The following TXLNB variants were observed in gnomAD, a reference collection of about 807,000 sequenced individuals.
TXLNB encodes the protein taxilin beta.
In TXLNB, 37 loss-of-function variants were observed where a neutral mutation model predicts 57.4. The observed-to-expected ratio is 0.64, with a 90% CI of 0.50 to 0.85. TXLNB has a LOEUF of 0.85. Among genes scored for constraint, TXLNB ranks in the 40% least tolerant of loss-of-function variants. TXLNB has a pLI of 0.00. For synonymous variants in TXLNB, 302 were observed against 309.6 expected (o/e 0.98, Z 0.26); for missense variants, 848 against 825.6 (o/e 1.03, Z -0.33).
chr6:139,303,695 A>G, the TXLNB span, among the ~76,000 whole-genome samples: 3 of 151,702 alleles, frequency 2.0e-5, no homozygotes, highest in Non-Finnish European at 2.9e-5. Flanking sequence ...ATGTGCTACA[A>G]TTATAGAATT....
the TXLNB span, among the ~76,000 whole-genome samples, chr6:139,163,536 T>G: frequency 2.6e-5 from 4 of 151,996 alleles, no homozygotes; most frequent in Non-Finnish European, 1.5e-5. Flanking sequence ...GTATTTTTAG[T>G]AGAGATGGGG....
chr6:139,201,580 A>G, the TXLNB span: 3 of 152,202 alleles, frequency 2.0e-5, no homozygotes, highest in Admixed American at 2.0e-4. Context: ...ATGCTGCCCA[A>G]TTCATGAATT....
At chr6:139,278,875 A>G (rs1246163280) in intron 2 of TXLNB, among the ~76,000 whole-genome samples, 2 of 152,150 alleles carry the variant, frequency 1.3e-5, no homozygotes, top group Non-Finnish European at 1.5e-5. Context: ...TTGGTGGTAC[A>G]TGCCTGTAGT....
intron 7 of TXLNB, among the ~76,000 whole-genome samples, chr6:139,250,011 T>C (rs1776157516): frequency 6.6e-6 from 1 of 151,600 alleles, no homozygotes; most frequent in Non-Finnish European, 1.5e-5. Context: ...ATGTTTACTG[T>C]GGTTTTTTTT....
Position 139,288,839 on chromosome 6 carries a change from T to TGTC in TXLNB, c.58_60dup (p.Asp20dup). On this transcript the variant is annotated inframe_insertion, in exon 2 of 10. Transcript: ENST00000358430. ...CCATTGTGACTGGGTAATGATGAAC[T>TGTC]GTCACCTGGAGGTGTTGACTGTCGT... is the stretch of plus-strand genomic sequence containing the variant. 1.2e-6 allele frequency: 2 copies of TGTC among 1,614,222 alleles called. No individual in the cohort carries two copies. The highest frequency in any genetic ancestry group is 1.7e-6 in the Non-Finnish European group (2 of 1,180,036).
At chr6:139,298,232 A>G in the TXLNB span, among the ~76,000 whole-genome samples, 7 of 152,226 alleles carry the variant, frequency 4.6e-5, no homozygotes, top group Non-Finnish European at 8.8e-5. Context: ...ATTGGGTGCT[A>G]CACTTGTACT....
intron 6 of TXLNB, among the ~76,000 whole-genome samples, chr6:139,257,941 G>T (rs1356463000): frequency 6.6e-6 from 1 of 152,092 alleles, no homozygotes; most frequent in Non-Finnish European, 1.5e-5. Flanking sequence ...GCAACCAAAT[G>T]GTCCTATGAG....
chr6:139,230,574 G>GT, the TXLNB span, among the ~76,000 whole-genome samples: 2 of 152,192 alleles, frequency 1.3e-5, no homozygotes, highest in African/African-American at 4.8e-5. Flanking sequence ...ACCACTTCTT[G>GT]TGCTCCATGC....
At chr6:139,216,743 T>C in the TXLNB span, among the ~76,000 whole-genome samples, 1 of 152,214 alleles carries the variant, frequency 6.6e-6, no homozygotes, top group Non-Finnish European at 1.5e-5. Flanking sequence ...GAGGACATTA[T>C]TCTCAGTGAA....
At chr6:139,190,309 C>CTT in the TXLNB span, among the ~76,000 whole-genome samples, 148 of 115,240 alleles carry the variant, frequency 1.3e-3, 1 homozygote, top group Middle Eastern at 9.5e-3. Flanking sequence ...TTCTTTCTTT[C>CTT]TTTTTTTTTT....
At chr6:139,209,699 CTT>C in the TXLNB span, among the ~76,000 whole-genome samples, 1 of 152,120 alleles carries the variant, frequency 6.6e-6, no homozygotes, top group African/African-American at 2.4e-5. Flanking sequence ...CATCTCTCAC[CTT>C]ATACAAAAAT....
downstream of TXLNB, chr6:139,239,727 G>T (rs1562267482): frequency 6.6e-6 from 1 of 152,140 alleles, no homozygotes; most frequent in Admixed American, 6.6e-5. The surrounding 1 kb of genome is among the most constrained non-coding windows in gnomAD (Gnocchi z 4.7). Context: ...TGAACTCCCA[G>T]GCTCAAGTGA....
the TXLNB span, among the ~76,000 whole-genome samples, chr6:139,323,887 G>A: frequency 1.3e-5 from 2 of 152,180 alleles, no homozygotes; most frequent in Admixed American, 1.3e-4. Flanking sequence ...ACAGGGGACA[G>A]TCAACAGATT....
intron 4 of TXLNB, among the ~76,000 whole-genome samples, chr6:139,267,039 TA>T (rs150713063): frequency 0.03 from 4,378 of 145,422 alleles, 221 homozygotes; most frequent in African/African-American, 0.1. Context: ...AGCCTTCAAT[TA>T]AAAAAAAAAT....
the TXLNB span, among the ~76,000 whole-genome samples, chr6:139,196,736 T>C: frequency 1.3e-5 from 2 of 152,198 alleles, no homozygotes; most frequent in African/African-American, 4.8e-5. Flanking sequence ...GCAATGTCCC[T>C]TATAGTCAAT....
intron 7 of TXLNB, among the ~76,000 whole-genome samples, chr6:139,249,142 C>T (rs184979495): frequency 4.7e-4 from 72 of 152,330 alleles, no homozygotes; most frequent in African/African-American, 1.4e-3. Flanking sequence ...GCATTTGTAT[C>T]GCCAAGTCCT....
the TXLNB span, among the ~76,000 whole-genome samples, chr6:139,198,955 A>G: frequency 6.7e-6 from 1 of 148,956 alleles, no homozygotes; most frequent in Non-Finnish European, 1.5e-5. Flanking sequence ...CGAATATGCC[A>G]TCTGTTTCTT....
the TXLNB span, among the ~76,000 whole-genome samples, chr6:139,182,436 G>GTT: frequency 6.7e-4 from 102 of 152,292 alleles, no homozygotes; most frequent in Admixed American, 4.1e-3. Context: ...TAAGCAATTA[G>GTT]TTTAATGGAA....
intron 4 of TXLNB, among the ~76,000 whole-genome samples, chr6:139,268,099 G>C (rs1196588623): frequency 1.4e-5 from 2 of 144,092 alleles, no homozygotes; most frequent in African/African-American, 5.3e-5. Context: ...GCAGTGAGCC[G>C]AGATTGCACC....
Sources: allele counts gnomAD v4.1 joint callset (sites outside exome capture counted in the v4.1 genomes callset), GRCh38; gene constraint gnomAD v4.1.1; non-coding constraint Gnocchi (gnomAD v3.1); transcripts MANE v1.5; gene names NCBI Gene and HGNC (gene_info 2026-07-23, HGNC 2026-07-21).